Variants in NBEA observed in about 807,000 individuals in gnomAD.
NBEA encodes the protein lysosomal-trafficking regulator 2.
Under a neutral mutation model 343.4 loss-of-function variants are expected in NBEA, and 44 were observed. The observed-to-expected ratio is 0.13, with a 90% CI of 0.10 to 0.16. The LOEUF (loss-of-function observed/expected upper bound fraction) is 0.16, where lower values mean the gene tolerates loss of function less well. NBEA is among the 10% of genes least tolerant of loss of function. The pLI, the probability that NBEA is intolerant of heterozygous loss-of-function variation, is 1.00. For synonymous variants in NBEA, 1,175 were observed against 1,238.7 expected, an observed-to-expected ratio of 0.95 and a Z score of 1.08; for missense variants, 2,555 against 3,631.3, an observed-to-expected ratio of 0.70 and a Z score of 7.62.
intron 18 of NBEA, among the ~76,000 whole-genome samples, chr13:35,155,226 C>A (rs1052940269): frequency 6.7e-6 from 1 of 148,564 alleles, no homozygotes; most frequent in African/African-American, 2.5e-5. Flanking sequence ...ATTTCCTAAT[C>A]TTTCCTTCTA....
intron 47 of NBEA, among the ~76,000 whole-genome samples, chr13:35,595,648 A>G (rs1489616516): frequency 6.6e-6 from 1 of 152,092 alleles, no homozygotes; most frequent in African/African-American, 2.4e-5. Flanking sequence ...GACTCCTTCT[A>G]TATACATAAA....
At chr13:35,531,094 G>C (rs1206405056) in intron 41 of NBEA, among the ~76,000 whole-genome samples, 1 of 151,924 alleles carries the variant, frequency 6.6e-6, no homozygotes, top group African/African-American at 2.4e-5. Flanking sequence ...TAAGACTAAC[G>C]ATTTGCCAAA....
intron 1 of NBEA, among the ~76,000 whole-genome samples, chr13:34,947,262 A>G (rs2059213836): frequency 6.6e-6 from 1 of 152,144 alleles, no homozygotes; most frequent in Non-Finnish European, 1.5e-5. Context: ...TAAGGCAGCA[A>G]ATATTCTGTG....
chr13:35,035,082 G>T (rs1327592148), intron 1 of NBEA, among the ~76,000 whole-genome samples: 1 of 151,572 alleles, frequency 6.6e-6, no homozygotes, highest in Non-Finnish European at 1.5e-5. Context: ...GTGTGCTCTT[G>T]ATCATTTAGT....
intron 34 of NBEA, among the ~76,000 whole-genome samples, chr13:35,275,863 TG>T (rs954490858): frequency 2.0e-5 from 3 of 151,986 alleles, no homozygotes; most frequent in Non-Finnish European, 4.4e-5. Context: ...GAACAGATCC[TG>T]GGGGGAGGGA....
chr13:35,411,953 G>C (rs538726710), intron 38 of NBEA, among the ~76,000 whole-genome samples: 26 of 151,618 alleles, frequency 1.7e-4, no homozygotes, highest in South Asian at 1.3e-3. Context: ...CATAAATTTG[G>C]TACTTGTTCT....
Position 34,942,701 on chromosome 13 carries a change from G to A in NBEA, c.-120G>A. On this transcript the variant is annotated 5_prime_UTR_variant, in exon 1 of 59. Coordinates refer to ENST00000379939, the MANE Select transcript of NBEA (RefSeq NM_001385012.1). The stretch of plus-strand genomic sequence containing the variant: ...GCAGGCGGGGAGCGGGCCCGGCGCC[G>A]CGGCGCTGGTGGATGCTGGGGCTCC... 1 of 736,302 alleles carries A rather than the reference G, an allele frequency of 1.4e-6. No homozygotes were observed. Among genetic ancestry groups the A allele is most frequent in the Non-Finnish European group, 1.8e-6 (1 of 540,982 alleles). 45.6% of individuals were successfully genotyped at this position (736,302 alleles called of 1,614,324 possible).
At chr13:35,061,754 G>A (rs1401311321) in intron 8 of NBEA, among the ~76,000 whole-genome samples, 1 of 151,688 alleles carries the variant, frequency 6.6e-6, no homozygotes, top group Non-Finnish European at 1.5e-5. Context: ...CTTGTATGGA[G>A]GGGTGAGCTC....
chr13:35,471,115 A>G (rs1302634605), intron 40 of NBEA, among the ~76,000 whole-genome samples: 2 of 152,164 alleles, frequency 1.3e-5, no homozygotes, highest in African/African-American at 4.8e-5. Flanking sequence ...ACACTGTCAC[A>G]GTTTGCTCCT....
chr13:35,231,861 C>G lies in NBEA; in HGVS notation c.5649-631C>G, dbSNP rs796981851. 6.1e-4 allele frequency among the ~76,000 whole-genome samples: 93 copies of G among 152,142 alleles called. 1 individual carries two copies. The highest frequency in any genetic ancestry group is 2.1e-3 in the African/African-American group (87 of 41,512). On this transcript the variant is annotated intron_variant, in intron 33 of 58. Transcript: ENST00000379939. ...TCATTTGTCTAAGCAGAAATATTTTCCTCCTCCCCATTTTTTACTTTTACA... is the reference window on the plus strand; with the variant it reads ...TCATTTGTCTAAGCAGAAATATTTTGCTCCTCCCCATTTTTTACTTTTACA...
At chr13:35,061,030 G>T (rs1389470711) in intron 8 of NBEA, among the ~76,000 whole-genome samples, 1 of 151,660 alleles carries the variant, frequency 6.6e-6, no homozygotes, top group Non-Finnish European at 1.5e-5. Flanking sequence ...CAATATTTAT[G>T]ATTCTGAGCT....
intron 48 of NBEA, among the ~76,000 whole-genome samples, chr13:35,614,505 A>G (rs1158450341): frequency 1.3e-5 from 2 of 152,230 alleles, no homozygotes; most frequent in African/African-American, 4.8e-5. Flanking sequence ...AATTCATTGT[A>G]TCAAGCCCTT....
intron 34 of NBEA, among the ~76,000 whole-genome samples, chr13:35,253,968 G>T (rs996775456): frequency 2.6e-5 from 4 of 152,100 alleles, no homozygotes; most frequent in Middle Eastern, 3.2e-3. Context: ...TGATTGCTGG[G>T]TATTTAGTCA....
At chr13:35,027,478 T>C (rs1174290391) in intron 1 of NBEA, among the ~76,000 whole-genome samples, 1 of 151,936 alleles carries the variant, frequency 6.6e-6, no homozygotes. Flanking sequence ...CTTTGTGCCA[T>C]CCATAGATCC....
intron 41 of NBEA, among the ~76,000 whole-genome samples, chr13:35,550,257 T>G (rs2079253932): frequency 6.6e-6 from 1 of 152,166 alleles, no homozygotes; most frequent in African/African-American, 2.4e-5. Context: ...TCACAGAGTC[T>G]CCTTGAATAT....
chr13:35,429,938 CT>C (rs1369437484), intron 38 of NBEA, among the ~76,000 whole-genome samples: 1 of 151,918 alleles, frequency 6.6e-6, no homozygotes, highest in Non-Finnish European at 1.5e-5. Context: ...GTGCAAGTTT[CT>C]TTTTTGTATA....
rs149719895 is a variant in NBEA at position 35,008,392 on chromosome 13, A to T, written c.295-32541A>T. On this transcript the variant is annotated intron_variant, in intron 1 of 58. Transcript: ENST00000379939. Reference sequence around the variant, plus strand: ...TATGCATATCCTCCCATATCCTTTAAATAATCTCTAGATTACTTATAATGG... The same window carrying T: ...TATGCATATCCTCCCATATCCTTTATATAATCTCTAGATTACTTATAATGG... 6.0e-4 allele frequency among the ~76,000 whole-genome samples: 92 copies of T among 152,280 alleles called. 1 individual carries two copies. In the East Asian group the frequency reaches 0.017, roughly 28 times the overall value.
chr13:35,221,618 A>C (rs2152761898), intron 33 of NBEA, among the ~76,000 whole-genome samples: 1 of 152,194 alleles, frequency 6.6e-6, no homozygotes, highest in East Asian at 1.9e-4. Context: ...TTTCTTCCAG[A>C]AAAAAATGTA....
chr13:34,956,196 T>G (rs890806708), intron 1 of NBEA, among the ~76,000 whole-genome samples: 5 of 152,230 alleles, frequency 3.3e-5, no homozygotes, highest in East Asian at 3.8e-4. Flanking sequence ...GAAGAGAATG[T>G]AAAGATGAAT....
Sources: allele counts gnomAD v4.1 joint callset (sites outside exome capture counted in the v4.1 genomes callset), GRCh38; gene constraint gnomAD v4.1.1; transcripts MANE v1.5; gene names NCBI Gene and HGNC (gene_info 2026-07-23, HGNC 2026-07-21).